The following KCTD1 variants were observed in gnomAD, a reference collection of about 807,000 sequenced individuals.
The protein encoded by KCTD1 is BTB/POZ domain-containing protein KCTD1.
KCTD1 carries 24 observed loss-of-function variants against 66.0 expected under a neutral mutation model. That is an observed-to-expected ratio of 0.36 (90% confidence interval 0.26 to 0.51). KCTD1 has a LOEUF of 0.51. Ranked by LOEUF, KCTD1 falls within the 20% of genes least tolerant of loss-of-function variation. The pLI is 0.95. For synonymous variants in KCTD1, 511 were observed against 517.2 expected (o/e 0.99, Z 0.16); for missense variants, 943 against 1,205.2 (o/e 0.78, Z 3.22).
chr18:26,531,592 G>A (rs772316880), intron 1 of KCTD1, among the ~76,000 whole-genome samples: 1 of 152,316 alleles, frequency 6.6e-6, no homozygotes, highest in African/African-American at 2.4e-5. Flanking sequence ...ATTTCCCTCA[G>A]TGTACTTAAA....
intron 2 of KCTD1, among the ~76,000 whole-genome samples, chr18:26,484,972 G>C (rs1002334272): frequency 1.3e-5 from 2 of 152,316 alleles, no homozygotes; most frequent in Non-Finnish European, 2.9e-5. Context: ...GTATTGACCT[G>C]AGCGGGGTAG....
chr18:26,462,555 G>A (rs553118992), intron 3 of KCTD1, among the ~76,000 whole-genome samples: 3 of 152,324 alleles, frequency 2.0e-5, no homozygotes, highest in Admixed American at 6.5e-5. Context: ...CTAAGCACTG[G>A]CTGGCCAGAG....
chr18:26,611,322 A>G (rs889936766), intron 1 of KCTD1, among the ~76,000 whole-genome samples: 2 of 147,576 alleles, frequency 1.4e-5, no homozygotes, highest in Non-Finnish European at 3.0e-5. Flanking sequence ...ATACAATTAT[A>G]GTAACTGGGT....
chr18:26,483,352 T>A (rs1981746521), intron 2 of KCTD1, among the ~76,000 whole-genome samples: 2 of 152,208 alleles, frequency 1.3e-5, no homozygotes, highest in South Asian at 4.1e-4. Context: ...CACTGCAACC[T>A]CTGCCTCCTG....
At position 26,548,407 on chromosome 18, in the gene KCTD1, G is replaced by A. The variant is rs1390849485; in HGVS notation, c.130C>T (p.Arg44Cys). The A allele has an allele frequency of 1.4e-6, 2 of 1,433,548 alleles. No homozygotes were observed. Among genetic ancestry groups the A allele is most frequent in the Admixed American group, 4.6e-5 (2 of 43,752 alleles). 88.8% of individuals were successfully genotyped at this position (1,433,548 alleles called of 1,614,324 possible). ...GERGAGGRGR[R>C]HSRPHYCSAG... ...CTGCAGTAGTGCGGACGGCTGTGGC[G>A]GCGGCCGCGGCCCCCCGCGCCGCGC... Residue 44 changes from arginine (R) to cysteine (C), a missense_variant, in exon 1 of 5, where the codon CGC becomes TGC. By Grantham distance (180) the Arg-to-Cys change is radical. This residue lies in a region of KCTD1 where 236 missense variants were observed against 206.6 expected (regional missense o/e 1.14). Coordinates refer to ENST00000580059, the MANE Select transcript of KCTD1 (RefSeq NM_001142730.3).
chr18:26,587,225 A>G (rs1266517895), intron 1 of KCTD1, among the ~76,000 whole-genome samples: 1 of 152,216 alleles, frequency 6.6e-6, no homozygotes, highest in Non-Finnish European at 1.5e-5. Flanking sequence ...GAATTATGCT[A>G]AATCTACTCT....
chr18:26,503,162 T>A (rs1982852914), intron 1 of KCTD1, among the ~76,000 whole-genome samples: 1 of 152,232 alleles, frequency 6.6e-6, no homozygotes, highest in Non-Finnish European at 1.5e-5. Flanking sequence ...AGTTCTTAAA[T>A]CGGCTGGTCG....
At chr18:26,478,243 T>C (rs1238456394) in intron 2 of KCTD1, among the ~76,000 whole-genome samples, 2 of 152,234 alleles carry the variant, frequency 1.3e-5, no homozygotes, top group Admixed American at 1.3e-4. Flanking sequence ...TAGTACTTTA[T>C]ATATGTAACA....
intron 1 of KCTD1, among the ~76,000 whole-genome samples, chr18:26,528,361 A>T (rs1003301271): frequency 6.6e-6 from 1 of 152,152 alleles, no homozygotes; most frequent in Non-Finnish European, 1.5e-5. Flanking sequence ...ACGTGGGTCA[A>T]TCTTTTCCTT....
At position 26,547,481 on chromosome 18, in the gene KCTD1, C is replaced by A. The variant is rs1277485935; in HGVS notation, c.1056G>T (p.Gly352=). Residue 352 remains glycine, a synonymous_variant, in exon 1 of 5, where the codon GGG becomes GGT. Coordinates refer to ENST00000580059, the MANE Select transcript of KCTD1 (RefSeq NM_001142730.3). ...GRKFVYFKSL[G]PYHKSRSSSW... The stretch of plus-strand genomic sequence containing the variant: ...ACGACGAGCGCGACTTGTGGTAGGG[C>A]CCGAGGGACTTGAAGTAGACGAACT... 5.2e-6 allele frequency: 8 copies of A among 1,551,558 alleles called. No homozygotes were observed. Among genetic ancestry groups the A allele is most frequent in the Non-Finnish European group, 7.0e-6 (8 of 1,147,002 alleles).
At chr18:26,500,136 G>T (rs1227721344) in intron 2 of KCTD1, among the ~76,000 whole-genome samples, 1 of 151,924 alleles carries the variant, frequency 6.6e-6, no homozygotes, top group Non-Finnish European at 1.5e-5. Flanking sequence ...AAAAAAATTA[G>T]CCAGGTGCAG....
At chr18:26,517,027 AAC>A (rs1983685390) in intron 1 of KCTD1, among the ~76,000 whole-genome samples, 1 of 152,252 alleles carries the variant, frequency 6.6e-6, no homozygotes, top group Admixed American at 6.5e-5. Context: ...CCAGGACAGA[AAC>A]ACTGATGCAG....
rs1598934162 is a variant in KCTD1, at chr18:26,547,491, T to C, written c.1046A>G (p.Lys349Arg). Residue 349 changes from lysine to arginine, a missense_variant, in exon 1 of 5, where the codon AAG becomes AGG. Transcript: ENST00000580059. Reference protein sequence around the residue: ...DEDGRKFVYFKSLGPYHKSRS... With the variant: ...DEDGRKFVYFRSLGPYHKSRS... ...CGACTTGTGGTAGGGCCCGAGGGACTTGAAGTAGACGAACTTGCGACCGTC... is the reference window on the plus strand; with the variant it reads ...CGACTTGTGGTAGGGCCCGAGGGACCTGAAGTAGACGAACTTGCGACCGTC... 1.3e-6 allele frequency: 2 copies of C among 1,551,534 alleles called. No individual in the cohort carries two copies. Among genetic ancestry groups the C allele is most frequent in the Middle Eastern group, 1.7e-4 (1 of 5,992 alleles).
chr18:26,496,315 T>C (rs1268705159), intron 2 of KCTD1, among the ~76,000 whole-genome samples: 2 of 152,222 alleles, frequency 1.3e-5, no homozygotes, highest in Non-Finnish European at 2.9e-5. Context: ...TCTTTATCCA[T>C]TTATAATTCT....
chr18:26,647,211 A>T (rs1329097538), intron 1 of KCTD1, among the ~76,000 whole-genome samples: 1 of 152,058 alleles, frequency 6.6e-6, no homozygotes, highest in Non-Finnish European at 1.5e-5. Flanking sequence ...CTCAGCCACT[A>T]AAAAAGACTG....
At chr18:26,607,050 T>C (rs1394345271) in intron 1 of KCTD1, among the ~76,000 whole-genome samples, 1 of 152,202 alleles carries the variant, frequency 6.6e-6, no homozygotes, top group African/African-American at 2.4e-5. Context: ...TTTATTTTTT[T>C]ATGAGACAGG....
At chr18:26,558,872 G>A (rs1985774375) in intron 1 of KCTD1, among the ~76,000 whole-genome samples, 1 of 151,858 alleles carries the variant, frequency 6.6e-6, no homozygotes, top group African/African-American at 2.4e-5. Context: ...GCAGTGAGCC[G>A]AGATTGCACC....
chr18:26,634,389 G>A (rs776983737), intron 1 of KCTD1, among the ~76,000 whole-genome samples: 39 of 152,144 alleles, frequency 2.6e-4, no homozygotes, highest in Non-Finnish European at 4.9e-4. Flanking sequence ...CCCAACCTCC[G>A]TATCAAAATG....
intron 1 of KCTD1, among the ~76,000 whole-genome samples, chr18:26,604,113 A>G (rs1244323927): frequency 6.6e-6 from 1 of 152,210 alleles, no homozygotes; most frequent in African/African-American, 2.4e-5. Flanking sequence ...ACATGAACAG[A>G]CACTTTCCAA....
Sources: allele counts gnomAD v4.1 joint callset (sites outside exome capture counted in the v4.1 genomes callset), GRCh38; gene constraint gnomAD v4.1.1; regional missense constraint gnomAD v4.1.1; transcripts MANE v1.5; gene names NCBI Gene and HGNC (gene_info 2026-07-23, HGNC 2026-07-21).